Variants in ADAMTSL3 observed in about 807,000 individuals in gnomAD.
ADAMTSL3 encodes the protein ADAMTS like 3.
Under a neutral mutation model 201.7 loss-of-function variants are expected in ADAMTSL3, and 128 were observed. That is an observed-to-expected ratio of 0.63 (90% confidence interval 0.55 to 0.73). The LOEUF (loss-of-function observed/expected upper bound fraction) is 0.73, where lower values mean the gene tolerates loss of function less well. ADAMTSL3 is among the 30% of genes least tolerant of loss of function. The probability of loss-of-function intolerance (pLI) is 0.00; values close to 1 mark genes in which losing one functional copy is unlikely to be tolerated. For missense variants in ADAMTSL3, 1,990 were observed against 2,119.6 expected, an observed-to-expected ratio of 0.94 and a Z score of 1.20; for synonymous variants, 738 against 748.4, an observed-to-expected ratio of 0.99 and a Z score of 0.23.
At chr15:83,860,873 C>T (rs1032517653) in intron 8 of ADAMTSL3, among the ~76,000 whole-genome samples, 18 of 152,154 alleles carry the variant, frequency 1.2e-4, no homozygotes, top group Admixed American at 1.3e-4. Flanking sequence ...CAAGGCATCG[C>T]GTCACCCGGG....
chr15:84,002,070 T>C (rs774430281), intron 23 of ADAMTSL3, among the ~76,000 whole-genome samples: 4 of 152,256 alleles, frequency 2.6e-5, no homozygotes. Context: ...TGAAGCTCTA[T>C]TTTGAGTGCT....
rs540226279 is a variant in ADAMTSL3, at chr15:83,655,033, TC to T, written c.-33-693del. On this transcript the variant is annotated intron_variant, in intron 1 of 29. Coordinates refer to ENST00000286744, the MANE Select transcript of ADAMTSL3 (RefSeq NM_207517.3). ...TTTCCAGTCTCGACTCATACTGATTTCCCTGTAAATTGACAGGAAAAGTAAG... is the reference window on the plus strand; with the variant it reads ...TTTCCAGTCTCGACTCATACTGATTTCCTGTAAATTGACAGGAAAAGTAAG... Among the ~76,000 whole-genome samples the T allele has an allele frequency of 5.3e-5, 8 of 152,296 alleles. No individual in the cohort carries two copies. The East Asian group carries it at 1.5e-3, about 29-fold the overall frequency.
chr15:83,787,149 TC>T (rs1486090178), intron 4 of ADAMTSL3, among the ~76,000 whole-genome samples: 3 of 152,196 alleles, frequency 2.0e-5, no homozygotes, highest in African/African-American at 7.2e-5. Context: ...CATTGGCAAT[TC>T]TCACTCTTTA....
intron 14 of ADAMTSL3, among the ~76,000 whole-genome samples, chr15:83,898,385 AG>A (rs1001962408): frequency 6.6e-6 from 1 of 152,192 alleles, no homozygotes; most frequent in Admixed American, 6.5e-5. Flanking sequence ...CAAGAAACAG[AG>A]GAAGAAGTAG....
chr15:83,927,636 T>G (rs1369803894), intron 17 of ADAMTSL3, among the ~76,000 whole-genome samples: 1 of 152,234 alleles, frequency 6.6e-6, no homozygotes, highest in Non-Finnish European at 1.5e-5. Flanking sequence ...TTGTTTTCTG[T>G]ATATGAAAAC....
At chr15:83,955,104 A>G (rs530031514) in intron 19 of ADAMTSL3, among the ~76,000 whole-genome samples, 17 of 152,298 alleles carry the variant, frequency 1.1e-4, no homozygotes, top group East Asian at 9.7e-4. Flanking sequence ...CCCTTCAGGG[A>G]GGCAAGTTCT....
intron 7 of ADAMTSL3, among the ~76,000 whole-genome samples, chr15:83,849,505 T>A (rs1313799373): frequency 6.6e-6 from 1 of 152,222 alleles, no homozygotes; most frequent in Non-Finnish European, 1.5e-5. Context: ...GAATCAGACC[T>A]GCTTGGCAAT....
chr15:84,005,679 G>A (rs116951673), intron 23 of ADAMTSL3, among the ~76,000 whole-genome samples: 104 of 152,316 alleles, frequency 6.8e-4, no homozygotes, highest in Non-Finnish European at 1.2e-3. Context: ...CGTGAGAGAT[G>A]AGAATGACCA....
At chr15:83,667,745 G>C (rs1046965310) in intron 2 of ADAMTSL3, among the ~76,000 whole-genome samples, 1 of 151,832 alleles carries the variant, frequency 6.6e-6, no homozygotes, top group Non-Finnish European at 1.5e-5. Context: ...AAATGACATG[G>C]TACATAGAAT....
At chr15:83,818,318 G>T (rs2063800485) in intron 5 of ADAMTSL3, among the ~76,000 whole-genome samples, 1 of 152,002 alleles carries the variant, frequency 6.6e-6, no homozygotes, top group Non-Finnish European at 1.5e-5. Context: ...ATACTTTATG[G>T]TGTGGTTTTT....
chr15:83,920,946 T>C (rs1567237245), intron 16 of ADAMTSL3, among the ~76,000 whole-genome samples: 1 of 152,222 alleles, frequency 6.6e-6, no homozygotes, highest in Non-Finnish European at 1.5e-5. Flanking sequence ...CCCCCACTTA[T>C]TGTTATATTC....
chr15:83,716,258 T>C (rs2062016307), intron 3 of ADAMTSL3, among the ~76,000 whole-genome samples: 1 of 152,184 alleles, frequency 6.6e-6, no homozygotes, highest in Admixed American at 6.5e-5. Flanking sequence ...ATCTCAGCAC[T>C]TTGGGAGGCC....
intron 4 of ADAMTSL3, among the ~76,000 whole-genome samples, chr15:83,794,626 A>G (rs1262183406): frequency 2.6e-5 from 4 of 152,052 alleles, no homozygotes; most frequent in Non-Finnish European, 4.4e-5. Context: ...GAAATGGAGA[A>G]CAGTAGTTGC....
intron 23 of ADAMTSL3, among the ~76,000 whole-genome samples, chr15:83,991,578 G>A (rs1391823601): frequency 1.3e-5 from 2 of 152,170 alleles, no homozygotes. Flanking sequence ...TCAGAGGAGG[G>A]GATTTGTGGG....
chr15:83,870,270 A>G (rs2065057691), intron 8 of ADAMTSL3, among the ~76,000 whole-genome samples: 1 of 152,204 alleles, frequency 6.6e-6, no homozygotes, highest in Non-Finnish European at 1.5e-5. Context: ...TGGTTTTGAT[A>G]TTCAACTATA....
chr15:83,904,408 G>T (rs975290183), intron 15 of ADAMTSL3, among the ~76,000 whole-genome samples: 4 of 152,110 alleles, frequency 2.6e-5, no homozygotes, highest in African/African-American at 4.8e-5. Flanking sequence ...GGGGATGCTT[G>T]CTTGTTGACA....
At chr15:83,752,960 T>A (rs889735383) in intron 3 of ADAMTSL3, among the ~76,000 whole-genome samples, 30 of 152,236 alleles carry the variant, frequency 2.0e-4, no homozygotes, top group African/African-American at 6.3e-4. Flanking sequence ...CTTCACAGGC[T>A]GAGGAGTCAT....
At chr15:83,967,236 A>G (rs2067106136) in intron 19 of ADAMTSL3, among the ~76,000 whole-genome samples, 1 of 152,210 alleles carries the variant, frequency 6.6e-6, no homozygotes, top group South Asian at 2.1e-4. Context: ...AGGAAGTCAA[A>G]TTGTCTCTGT....
In ADAMTSL3 at chr15:83,899,652, A is replaced by T; in HGVS notation, c.1621A>T (p.Ser541Cys). 1.2e-6 allele frequency: 2 copies of T among 1,611,154 alleles called. No homozygotes were observed. The highest frequency in any genetic ancestry group is 1.7e-6 in the Non-Finnish European group (2 of 1,178,154). ...PIPCYKPKEK[S>C]PVEAKLPWLK... The stretch of plus-strand genomic sequence containing the variant: ...TTATGTTCTCTTTTTCTTAGAAAAA[A>T]GTCCAGTGGAAGCAAAATTGCCTTG... Residue 541 changes from serine (S) to cysteine (C), a missense_variant, in exon 15 of 30, where the codon AGT (serine) becomes TGT (cysteine). Ser to Cys is a moderately radical substitution (Grantham distance 112). Transcript: ENST00000286744.
Sources: gnomAD v4.1 joint callset for allele counts (sites outside exome capture counted in the v4.1 genomes callset) on GRCh38, gnomAD v4.1.1 for gene constraint, MANE v1.5 for transcripts, NCBI Gene and HGNC (gene_info 2026-07-23, HGNC 2026-07-21) for gene names.